UBXN7: variants seen among roughly 807,000 people sequenced by gnomAD.
The protein encoded by UBXN7 is UBX domain-containing protein 7.
A neutral mutation model predicts 58.0 loss-of-function variants in UBXN7; 9 were observed. The ratio of observed to expected loss-of-function variants is 0.16; its 90% CI spans 0.09 to 0.27. The LOEUF (loss-of-function observed/expected upper bound fraction) is 0.27. Among genes scored for constraint, UBXN7 ranks in the 10% least tolerant of loss-of-function variants. UBXN7 has a pLI of 1.00. For synonymous variants in UBXN7, 208 were observed against 205.0 expected (o/e 1.01, Z -0.12); for missense variants, 328 against 599.6 (o/e 0.55, Z 4.73).
intron 2 of UBXN7, among the ~76,000 whole-genome samples, chr3:196,404,606 T>C (rs1730103029): frequency 1.3e-5 from 2 of 152,212 alleles, no homozygotes; most frequent in Non-Finnish European, 2.9e-5. Context: ...ACTAAAGATC[T>C]TGTTTTTGAC....
chr3:196,404,100 G>GA (rs35971859), intron 2 of UBXN7, among the ~76,000 whole-genome samples: 37,799 of 145,202 alleles, frequency 0.26, 6,131 homozygotes, highest in East Asian at 0.83. Context: ...AAAAGAAAAA[G>GA]AAAAAAAAAA....
chr3:196,391,559 T>C (rs1729582978), intron 5 of UBXN7, among the ~76,000 whole-genome samples: 1 of 151,590 alleles, frequency 6.6e-6, no homozygotes, highest in Admixed American at 6.6e-5. Flanking sequence ...AGTGAGACCC[T>C]GTCTCTACCA....
chr3:196,395,248 A>ATAATTC (rs1729733300), intron 3 of UBXN7, among the ~76,000 whole-genome samples: 1 of 152,202 alleles, frequency 6.6e-6, no homozygotes, highest in Non-Finnish European at 1.5e-5. Flanking sequence ...ATTACATAGG[A>ATAATTC]TAATTCTTTA....
At chr3:196,363,462 C>G (rs1281369604) in intron 8 of UBXN7, among the ~76,000 whole-genome samples, 1 of 151,356 alleles carries the variant, frequency 6.6e-6, no homozygotes, top group Non-Finnish European at 1.5e-5. Context: ...CGAGACCATC[C>G]TGGCCAACAT....
intron 1 of UBXN7, among the ~76,000 whole-genome samples, chr3:196,427,632 A>G (rs936924670): frequency 6.6e-6 from 1 of 152,176 alleles, no homozygotes; most frequent in Admixed American, 6.5e-5. Context: ...AAACATTTTT[A>G]AAAATTGCTC....
intron 3 of UBXN7, among the ~76,000 whole-genome samples, chr3:196,401,298 T>TATATATATATATACAC (rs1269101481): frequency 1.5e-4 from 9 of 61,674 alleles, no homozygotes; most frequent in Non-Finnish European, 2.5e-4. Flanking sequence ...TATATATATA[T>TATATATATATATACAC]ACACACACAC....
In UBXN7 at chr3:196,349,010, A is replaced by C. The variant is rs1728152081; in HGVS notation, c.*7675T>G. On this transcript the variant is annotated 3_prime_UTR_variant, in exon 11 of 11. Coordinates refer to ENST00000296328, the MANE Select transcript of UBXN7 (RefSeq NM_015562.2). ...AATTTGTTAACAACAACAACAACAA[A>C]AAACCATTCTGGAAAAAAAGATTAT... 6.6e-6 allele frequency: 1 copy of C among 152,232 alleles called. No individual in the cohort carries two copies. Among genetic ancestry groups the C allele is most frequent in the South Asian group, 2.1e-4 (1 of 4,832 alleles). The allele number at this position is 152,232 out of a possible 1,614,324, so 9.4% of individuals were successfully genotyped here. A position where few individuals can be genotyped will look rare whatever the true frequency, so the allele number is the denominator to read the frequency against.
chr3:196,405,457 G>A (rs1730131561), intron 2 of UBXN7, among the ~76,000 whole-genome samples: 1 of 137,016 alleles, frequency 7.3e-6, no homozygotes, highest in Non-Finnish European at 1.5e-5. Flanking sequence ...GCGACACAGA[G>A]AGACTCCGTC....
At chr3:196,403,042 T>C (rs777192962) in intron 2 of UBXN7, 23 bp from the exon 3 acceptor site, 3 of 1,576,896 alleles carry the variant, frequency 1.9e-6, no homozygotes, top group Non-Finnish European at 2.6e-6. Flanking sequence ...AATGGGAAAA[T>C]AAAAAATGAA....
intron 5 of UBXN7, among the ~76,000 whole-genome samples, chr3:196,381,425 A>G (rs1026543998): frequency 6.6e-5 from 10 of 152,234 alleles, no homozygotes; most frequent in African/African-American, 2.4e-4. Context: ...CTAACAAACA[A>G]AAAGGAATAG....
At chr3:196,401,823 G>GAGAGAAGAGAAGAGAAGAGAGAAGAGA (rs1730000929) in intron 3 of UBXN7, among the ~76,000 whole-genome samples, 1 of 120,314 alleles carries the variant, frequency 8.3e-6, no homozygotes, top group East Asian at 2.7e-4. Flanking sequence ...GAAAAGAGAA[G>GAGAGAAGAGAAGAGAAGAGAGAAGAGA]AGAGAAGAGA....
intron 5 of UBXN7, among the ~76,000 whole-genome samples, chr3:196,375,183 C>CACA (rs1728976766): frequency 2.4e-4 from 34 of 139,732 alleles, no homozygotes; most frequent in Admixed American, 4.3e-4. Context: ...GGTGCTCTTA[C>CACA]CACACACACA....
At chr3:196,358,232 A>C (rs1295915721) in intron 10 of UBXN7, among the ~76,000 whole-genome samples, 1 of 152,098 alleles carries the variant, frequency 6.6e-6, no homozygotes, top group Admixed American at 6.5e-5. Flanking sequence ...CCAGAAGAGA[A>C]ACATAGAGAA....
intron 5 of UBXN7, among the ~76,000 whole-genome samples, chr3:196,385,916 G>A (rs1729374433): frequency 6.6e-6 from 1 of 152,232 alleles, no homozygotes; most frequent in Non-Finnish European, 1.5e-5. Flanking sequence ...TGATGACGAT[G>A]GTGGTTTTGT....
chr3:196,396,745 A>G (rs1346157323), intron 3 of UBXN7, among the ~76,000 whole-genome samples: 2 of 152,236 alleles, frequency 1.3e-5, no homozygotes, highest in Admixed American at 1.3e-4. Flanking sequence ...CCTGGGCCAC[A>G]GAGCGAGACT....
In UBXN7 at chr3:196,407,357, G is replaced by T; in HGVS notation, c.110C>A (p.Ala37Glu). 1 of 1,611,830 alleles carries T rather than the reference G, an allele frequency of 6.2e-7. No homozygotes were observed. Reference sequence around the variant, plus strand: ...TGCCATTTCCAGATTATTGTTGCACGCTTCAAGCATATGTTTTCCTACACT... The same window carrying T: ...TGCCATTTCCAGATTATTGTTGCACTCTTCAAGCATATGTTTTCCTACACT... ...SESVGKHMLE[A>E]CNNNLEMAVT... Residue 37 changes from alanine to glutamate, a missense_variant, in exon 2 of 11, where the codon GCG becomes GAG. Ala to Glu is a moderately radical substitution (Grantham distance 107). Around this residue, in one of 4 missense-constraint regions of UBXN7, gnomAD observed 106 missense variants for 124.3 expected, o/e 0.85. Coordinates refer to ENST00000296328, the MANE Select transcript of UBXN7 (RefSeq NM_015562.2).
intron 5 of UBXN7, among the ~76,000 whole-genome samples, chr3:196,380,733 G>A (rs1361024367): frequency 6.6e-6 from 1 of 152,240 alleles, no homozygotes; most frequent in Non-Finnish European, 1.5e-5. Context: ...CCTAGCCAAG[G>A]GAAGCCGTGA....
rs1009627750 is a variant in UBXN7 at position 196,357,566 on chromosome 3, A to T, written c.1309-720T>A. The stretch of plus-strand genomic sequence containing the variant: ...AGGAGGGGGACAGCTTGAGCACAGG[A>T]GTTGGAGACCAGCTGGGGCAACATG... On this transcript the variant is annotated intron_variant, in intron 10 of 10. Transcript: ENST00000296328. Among the ~76,000 whole-genome samples, 6 of 152,232 alleles carry T rather than the reference A, an allele frequency of 3.9e-5. No individual in the cohort carries two copies. The East Asian group carries it at 5.8e-4, about 15-fold the overall frequency.
intron 5 of UBXN7, among the ~76,000 whole-genome samples, chr3:196,376,545 CAAAAAAAA>C (rs777458391): frequency 3.9e-5 from 2 of 50,930 alleles, no homozygotes; most frequent in South Asian, 1.0e-3. Context: ...GACTCTGTCT[CAAAAAAAA>C]AAAAAAAAAA....
Sources: allele counts gnomAD v4.1 joint callset (sites outside exome capture counted in the v4.1 genomes callset), GRCh38; gene constraint gnomAD v4.1.1; regional missense constraint gnomAD v4.1.1; transcripts MANE v1.5; gene names NCBI Gene and HGNC (gene_info 2026-07-23, HGNC 2026-07-21).